The following OSBP2 variants were observed in gnomAD, a reference collection of about 807,000 sequenced individuals.
OSBP2 encodes the protein oxysterol-binding protein 2.
Under a neutral mutation model 96.0 loss-of-function variants are expected in OSBP2, and 66 were observed. The ratio of observed to expected loss-of-function variants is 0.69; its 90% CI spans 0.56 to 0.84. OSBP2 has a LOEUF of 0.84. Among genes scored for constraint, OSBP2 ranks in the 40% least tolerant of loss-of-function variants. The pLI, the probability that OSBP2 is intolerant of heterozygous loss-of-function variation, is 0.00. For missense variants in OSBP2, 1,038 were observed against 1,222.7 expected, an observed-to-expected ratio of 0.85 and a Z score of 2.25; for synonymous variants, 525 against 520.9, an observed-to-expected ratio of 1.01 and a Z score of -0.11.
chr22:30,753,494 G>A (rs1055357663), intron 2 of OSBP2, among the ~76,000 whole-genome samples: 29 of 152,214 alleles, frequency 1.9e-4, no homozygotes, highest in Admixed American at 1.3e-3. Flanking sequence ...AGACAGCTCC[G>A]TGCTCCTTCC....
At chr22:30,769,900 G>A (rs892566225) in intron 2 of OSBP2, among the ~76,000 whole-genome samples, 1 of 152,044 alleles carries the variant, frequency 6.6e-6, no homozygotes, top group African/African-American at 2.4e-5. Context: ...ACCTTGAATT[G>A]TAATAATTGC....
intron 1 of OSBP2, among the ~76,000 whole-genome samples, chr22:30,698,605 AT>A (rs1280915657): frequency 6.6e-6 from 1 of 151,694 alleles, no homozygotes; most frequent in African/African-American, 2.4e-5. Context: ...CGCCTGGCTA[AT>A]TTTTTGTATT....
intron 3 of OSBP2, among the ~76,000 whole-genome samples, chr22:30,876,358 G>A (rs1027869039): frequency 2.0e-5 from 3 of 152,208 alleles, no homozygotes; most frequent in Admixed American, 2.0e-4. Context: ...CCCGTGGGCA[G>A]GACTTGGTCA....
At chr22:30,880,439 A>C (rs981723764) in intron 3 of OSBP2, among the ~76,000 whole-genome samples, 2 of 152,126 alleles carry the variant, frequency 1.3e-5, no homozygotes, top group African/African-American at 4.8e-5. Context: ...GTGTGTGCTA[A>C]TGGCTGGAGC....
intron 2 of OSBP2, among the ~76,000 whole-genome samples, chr22:30,843,118 A>C (rs2038789730): frequency 6.6e-6 from 1 of 152,026 alleles, no homozygotes; most frequent in Admixed American, 6.6e-5. Flanking sequence ...TCCACTTCTA[A>C]TTCTGATTCT....
intron 1 of OSBP2, among the ~76,000 whole-genome samples, chr22:30,716,850 C>T (rs2089465138): frequency 6.6e-6 from 1 of 152,130 alleles, no homozygotes; most frequent in Non-Finnish European, 1.5e-5. Context: ...AATATTTTCT[C>T]CTATTCCATA....
chr22:30,796,695 A>AG (rs1054060953), intron 2 of OSBP2, among the ~76,000 whole-genome samples: 2 of 151,964 alleles, frequency 1.3e-5, no homozygotes, highest in South Asian at 2.1e-4. Context: ...TAGTAGAGAC[A>AG]GGGGGGTTCA....
chr22:30,731,981 T>C (rs2089787685), intron 1 of OSBP2, among the ~76,000 whole-genome samples: 1 of 152,280 alleles, frequency 6.6e-6, no homozygotes, highest in East Asian at 1.9e-4. Flanking sequence ...CCTTGCTCAT[T>C]ATCAGCCGTT....
intron 1 of OSBP2, among the ~76,000 whole-genome samples, chr22:30,698,349 G>A (rs2089088945): frequency 6.6e-6 from 1 of 152,032 alleles, no homozygotes; most frequent in Non-Finnish European, 1.5e-5. Flanking sequence ...CTTACCTGCT[G>A]GGCAATGTGG....
intron 1 of OSBP2, among the ~76,000 whole-genome samples, chr22:30,712,009 C>T (rs987868021): frequency 1.3e-5 from 2 of 152,094 alleles, no homozygotes; most frequent in African/African-American, 2.4e-5. Flanking sequence ...TCACGTGACA[C>T]GAAAGGTGCA....
At chr22:30,904,093 C>T (rs999609308) in intron 12 of OSBP2, among the ~76,000 whole-genome samples, 1 of 152,190 alleles carries the variant, frequency 6.6e-6, no homozygotes, top group South Asian at 2.1e-4. Flanking sequence ...GTACCCAAAT[C>T]CCAGTCTTCC....
intron 2 of OSBP2, among the ~76,000 whole-genome samples, chr22:30,821,413 T>TAC (rs1350730781): frequency 1.3e-5 from 2 of 152,200 alleles, no homozygotes; most frequent in African/African-American, 2.4e-5. Context: ...CAAGGGATCC[T>TAC]GGCTGTATTC....
chr22:30,866,200 T>A (rs1257015559), intron 2 of OSBP2, among the ~76,000 whole-genome samples: 1 of 152,182 alleles, frequency 6.6e-6, no homozygotes, highest in East Asian at 1.9e-4. Context: ...TGAAGAATTT[T>A]GAGATGCGGA....
At chr22:30,707,811 G>A (rs1345872620) in intron 1 of OSBP2, among the ~76,000 whole-genome samples, 1 of 152,078 alleles carries the variant, frequency 6.6e-6, no homozygotes, top group Non-Finnish European at 1.5e-5. Flanking sequence ...CAGTAGCCGA[G>A]GGGGAGTCAA....
At chr22:30,786,481 A>G (rs1355787715) in intron 2 of OSBP2, among the ~76,000 whole-genome samples, 2 of 152,080 alleles carry the variant, frequency 1.3e-5, no homozygotes, top group African/African-American at 2.4e-5. Flanking sequence ...AGACAAACCA[A>G]TACAAAATCA....
intron 3 of OSBP2, among the ~76,000 whole-genome samples, chr22:30,873,527 A>G (rs993485197): frequency 2.0e-5 from 3 of 151,752 alleles, no homozygotes; most frequent in South Asian, 4.2e-4. Flanking sequence ...ATCACCCCCA[A>G]TCTCTTCCGA....
At chr22:30,895,960 G>C (rs951778120) in intron 12 of OSBP2, among the ~76,000 whole-genome samples, 1 of 151,664 alleles carries the variant, frequency 6.6e-6, no homozygotes, top group Admixed American at 6.6e-5. Context: ...GTACTTTAAA[G>C]GGGAGGATGG....
At chr22:30,731,533 A>G (rs1225817205) in intron 1 of OSBP2, 2 of 153,636 alleles carry the variant, frequency 1.3e-5, no homozygotes, top group Non-Finnish European at 2.9e-5. Context: ...TGGATGAGGC[A>G]TCATCGAGAG....
At position 30,725,652 on chromosome 22, in the gene OSBP2, C is replaced by T. The variant is rs944574790; in HGVS notation, c.645-15509C>T. ...GTCCTTTCCTGATCTCCTCCCCTTTCCTGGCTGTAAAATGGGGCTAATTTC... is the reference window on the plus strand; with the variant it reads ...GTCCTTTCCTGATCTCCTCCCCTTTTCTGGCTGTAAAATGGGGCTAATTTC... On this transcript the variant is annotated intron_variant, in intron 1 of 13. Coordinates refer to ENST00000332585, the MANE Select transcript of OSBP2 (RefSeq NM_030758.4). 2.2e-4 allele frequency among the ~76,000 whole-genome samples: 33 copies of T among 152,270 alleles called. 1 individual carries two copies. Among genetic ancestry groups the T allele is most frequent in the Admixed American group, 2.0e-3 (30 of 15,282 alleles).
Sources: allele counts gnomAD v4.1 joint callset (sites outside exome capture counted in the v4.1 genomes callset), GRCh38; gene constraint gnomAD v4.1.1; transcripts MANE v1.5; gene names NCBI Gene and HGNC (gene_info 2026-07-23, HGNC 2026-07-21).